The following GLG1 variants were observed in gnomAD, a reference collection of about 807,000 sequenced individuals.
The protein encoded by GLG1 is golgi glycoprotein 1.
A neutral mutation model predicts 160.5 loss-of-function variants in GLG1; 38 were observed. That is an observed-to-expected ratio of 0.24 (90% confidence interval 0.18 to 0.31). The LOEUF (loss-of-function observed/expected upper bound fraction) is 0.31. Ranked by LOEUF, GLG1 falls within the 10% of genes least tolerant of loss-of-function variation. GLG1 has a pLI of 1.00. For missense variants in GLG1, 1,373 were observed against 1,505.2 expected, an observed-to-expected ratio of 0.91 and a Z score of 1.45; for synonymous variants, 644 against 543.4, an observed-to-expected ratio of 1.19 and a Z score of -2.57.
At chr16:74,528,689 G>A (rs952448097) in intron 2 of GLG1, among the ~76,000 whole-genome samples, 1 of 150,934 alleles carries the variant, frequency 6.6e-6, no homozygotes, top group Non-Finnish European at 1.5e-5. Context: ...GTGGGCACCT[G>A]TAATCCCAGC....
intron 2 of GLG1, among the ~76,000 whole-genome samples, chr16:74,515,873 A>G (rs1332055129): frequency 1.3e-5 from 2 of 151,366 alleles, no homozygotes; most frequent in African/African-American, 4.9e-5. Context: ...GCAAATGGAA[A>G]ACAAAAAAAG....
At chr16:74,510,856 T>A (rs572726689) in intron 2 of GLG1, among the ~76,000 whole-genome samples, 1 of 151,758 alleles carries the variant, frequency 6.6e-6, no homozygotes, top group Non-Finnish European at 1.5e-5. Flanking sequence ...ACCACAGCAG[T>A]ATAGGGGAGG....
chr16:74,601,185 G>C (rs1487733394), intron 1 of GLG1, among the ~76,000 whole-genome samples: 1 of 151,978 alleles, frequency 6.6e-6, no homozygotes, highest in East Asian at 1.9e-4. Context: ...ATGGAATCAG[G>C]AACTGGTACA....
At chr16:74,592,485 G>T (rs180699372) in intron 1 of GLG1, among the ~76,000 whole-genome samples, 91 of 152,226 alleles carry the variant, frequency 6.0e-4, no homozygotes, top group African/African-American at 2.0e-3. Context: ...AGAAGCTCTG[G>T]AAGGATTATA....
intron 25 of GLG1, among the ~76,000 whole-genome samples, chr16:74,454,395 A>G (rs2014443317): frequency 6.6e-6 from 1 of 150,556 alleles, no homozygotes; most frequent in Non-Finnish European, 1.5e-5. Flanking sequence ...TTGGCCAGGC[A>G]TGGTGGCTCA....
intron 3 of GLG1, among the ~76,000 whole-genome samples, chr16:74,507,722 C>G (rs2016662617): frequency 6.6e-6 from 1 of 151,158 alleles, no homozygotes; most frequent in Non-Finnish European, 1.5e-5. Context: ...GGCGACAGAG[C>G]AAGACTCCAT....
chr16:74,466,698 G>A (rs2015012211), intron 18 of GLG1, among the ~76,000 whole-genome samples: 1 of 152,086 alleles, frequency 6.6e-6, no homozygotes, highest in Non-Finnish European at 1.5e-5. Context: ...ATCAAGAATA[G>A]GTAGTTATGA....
chr16:74,565,554 C>G (rs1439858578), intron 1 of GLG1, among the ~76,000 whole-genome samples: 2 of 152,202 alleles, frequency 1.3e-5, no homozygotes, highest in Admixed American at 6.5e-5. Flanking sequence ...CATAGACCGC[C>G]AACTGCTTAA....
At chr16:74,576,897 C>T (rs927487228) in intron 1 of GLG1, among the ~76,000 whole-genome samples, 1 of 151,070 alleles carries the variant, frequency 6.6e-6, no homozygotes, top group Admixed American at 6.7e-5. Flanking sequence ...AACCATGTAC[C>T]CTGCATATAA....
intron 1 of GLG1, among the ~76,000 whole-genome samples, chr16:74,586,283 AACC>A (rs1958050923): frequency 6.6e-6 from 1 of 152,102 alleles, no homozygotes; most frequent in African/African-American, 2.4e-5. Context: ...TCTTGTGTTC[AACC>A]ACTGATATTT....
intron 23 of GLG1, 140 bp downstream of exon 23, chr16:74,459,538 AGAAG>A: frequency 1.6e-6 from 1 of 638,738 alleles, no homozygotes; most frequent in South Asian, 1.9e-5. Context: ...AAGTTTGGTA[AGAAG>A]GAACAGCAAG....
At chr16:74,493,236 A>G in intron 6 of GLG1, 96 bp from the exon 7 acceptor site, 4 of 734,922 alleles carry the variant, frequency 5.4e-6, no homozygotes, top group Admixed American at 2.6e-5. Flanking sequence ...AGCCAAGTAC[A>G]TGTCAACAAC....
intron 11 of GLG1, 54 bp from the exon 12 acceptor site, chr16:74,477,587 A>G: frequency 7.2e-7 from 1 of 1,398,448 alleles, no homozygotes; most frequent in Non-Finnish European, 1.0e-6. Context: ...CAAAAACACA[A>G]AGATATGAGA....
chr16:74,469,987 CT>C lies in GLG1; in HGVS notation c.2315del (p.Lys772ArgfsTer6). On this transcript the variant is annotated frameshift_variant, in exon 16 of 26. Transcript: ENST00000422840. LOFTEE classifies it high-confidence loss of function. ...DVLKLCPNIK[K>X]KVDVVICLST... ...TGAAACAACTACAAGCTACATACTT[CT>C]TTTTTATGTTTGGGCAAAGCTTCAA... 6.3e-7 allele frequency: 1 copy of C among 1,581,124 alleles called. No individual in the cohort carries two copies. Among genetic ancestry groups the C allele is most frequent in the Non-Finnish European group, 8.7e-7 (1 of 1,149,920 alleles).
chr16:74,488,780 C>T (rs1343374984), intron 8 of GLG1, among the ~76,000 whole-genome samples: 1 of 151,918 alleles, frequency 6.6e-6, no homozygotes, highest in African/African-American at 2.4e-5. Flanking sequence ...CCACCACGCC[C>T]GGCTAATTTC....
intron 2 of GLG1, among the ~76,000 whole-genome samples, chr16:74,516,706 G>A (rs543993936): frequency 6.6e-6 from 1 of 152,076 alleles, no homozygotes; most frequent in South Asian, 2.1e-4. Flanking sequence ...AACTAAGATC[G>A]GAGCAGAACT....
At chr16:74,533,684 A>AGTG (rs2017608441) in intron 1 of GLG1, among the ~76,000 whole-genome samples, 1 of 152,124 alleles carries the variant, frequency 6.6e-6, no homozygotes, top group African/African-American at 2.4e-5. Flanking sequence ...AGGAGGCTGA[A>AGTG]GTGGAAGAAT....
intron 10 of GLG1, among the ~76,000 whole-genome samples, chr16:74,482,156 A>AT (rs545138912): frequency 4.6e-4 from 70 of 151,398 alleles, no homozygotes; most frequent in Admixed American, 2.7e-3. Flanking sequence ...TACCTGGCTG[A>AT]TTTTTTTTTA....
At chr16:74,573,371 C>T (rs1046654035) in intron 1 of GLG1, among the ~76,000 whole-genome samples, 7 of 151,874 alleles carry the variant, frequency 4.6e-5, no homozygotes, top group Non-Finnish European at 7.4e-5. Flanking sequence ...CAATAATAAT[C>T]GTATCTTAAA....
Sources: gnomAD v4.1 joint callset for allele counts (sites outside exome capture counted in the v4.1 genomes callset) on GRCh38, gnomAD v4.1.1 for gene constraint, MANE v1.5 for transcripts, NCBI Gene and HGNC (gene_info 2026-07-23, HGNC 2026-07-21) for gene names.